Variants in IQCM observed in about 807,000 individuals in gnomAD.
The protein encoded by IQCM is IQ motif containing M.
IQCM carries 45 observed loss-of-function variants against 57.6 expected under a neutral mutation model. That is an observed-to-expected ratio of 0.78 (90% CI 0.62 to 1.00). IQCM has a LOEUF of 1.00. Among genes scored for constraint, IQCM ranks in the 50% least tolerant of loss-of-function variants. IQCM has a pLI of 0.00. For missense variants in IQCM, 468 were observed against 511.6 expected, an observed-to-expected ratio of 0.91 and a Z score of 0.82; for synonymous variants, 148 against 158.9, an observed-to-expected ratio of 0.93 and a Z score of 0.51.
At chr4:149,512,351 C>T (rs929314973) in intron 12 of IQCM, among the ~76,000 whole-genome samples, 2 of 152,062 alleles carry the variant, frequency 1.3e-5, no homozygotes, top group Non-Finnish European at 2.9e-5. Context: ...GACATGATAC[C>T]ATGCCACAAC....
rs1015667631 is a variant in IQCM, at chr4:149,362,464, T to C, written c.1391-10398A>G. On this transcript the variant is annotated intron_variant, in intron 13 of 13. Transcript: ENST00000636793. ...GTGGGAGGGACCCATGGGGAGGTAATTGAATCATAGGGGCCAGTCTTTCTT... is the reference window on the plus strand; with the variant it reads ...GTGGGAGGGACCCATGGGGAGGTAACTGAATCATAGGGGCCAGTCTTTCTT... Among the ~76,000 whole-genome samples the C allele has an allele frequency of 1.4e-4, 21 of 152,236 alleles. 1 individual carries two copies. The highest frequency in any genetic ancestry group is 4.8e-4 in the African/African-American group (20 of 41,566).
intron 7 of IQCM, among the ~76,000 whole-genome samples, chr4:149,632,221 T>C (rs1757328167): frequency 6.6e-6 from 1 of 152,242 alleles, no homozygotes; most frequent in African/African-American, 2.4e-5. Flanking sequence ...CTACAGGTTT[T>C]GTAAAGAAAC....
intron 12 of IQCM, among the ~76,000 whole-genome samples, chr4:149,453,012 T>A: frequency 6.8e-6 from 1 of 146,386 alleles, no homozygotes; most frequent in African/African-American, 2.5e-5. Context: ...AAAATAAAAG[T>A]AGAAATTTTT....
At chr4:149,628,220 A>T (rs774582325) in intron 7 of IQCM, among the ~76,000 whole-genome samples, 45 of 152,282 alleles carry the variant, frequency 3.0e-4, no homozygotes, top group Non-Finnish European at 1.0e-4. Flanking sequence ...TGCTAGACCC[A>T]GGGGAAAATT....
At chr4:149,404,855 T>C (rs1312421036) in intron 13 of IQCM, among the ~76,000 whole-genome samples, 1 of 152,042 alleles carries the variant, frequency 6.6e-6, no homozygotes, top group African/African-American at 2.4e-5. Context: ...AAGTGTCCTC[T>C]AGAGAAAGCA....
intron 13 of IQCM, among the ~76,000 whole-genome samples, chr4:149,354,092 C>T (rs994263712): frequency 2.0e-5 from 3 of 151,844 alleles, no homozygotes; most frequent in African/African-American, 2.4e-5. Flanking sequence ...TGGCCAGGCG[C>T]GGTGGCTCAC....
intron 8 of IQCM, among the ~76,000 whole-genome samples, chr4:149,606,367 G>A (rs376132718): frequency 6.6e-4 from 100 of 152,192 alleles, no homozygotes; most frequent in African/African-American, 2.0e-3. Context: ...TGAAACAGCC[G>A]CAGTGACCAC....
At chr4:149,471,275 G>A (rs1739507722) in intron 12 of IQCM, among the ~76,000 whole-genome samples, 1 of 152,114 alleles carries the variant, frequency 6.6e-6, no homozygotes, top group South Asian at 2.1e-4. Context: ...TATAAAAAAT[G>A]ATAAAGAGAT....
intron 12 of IQCM, among the ~76,000 whole-genome samples, chr4:149,539,378 G>A (rs1251983263): frequency 6.6e-6 from 1 of 152,224 alleles, no homozygotes; most frequent in South Asian, 2.1e-4. Flanking sequence ...TCGTTGTCTG[G>A]GGCTGGGGGT....
chr4:149,630,083 T>C (rs1757134265), intron 7 of IQCM, among the ~76,000 whole-genome samples: 1 of 152,228 alleles, frequency 6.6e-6, no homozygotes. Context: ...TGTGTCATAA[T>C]AGCTTTAGAA....
chr4:149,497,119 G>A (rs1472052419), intron 12 of IQCM, among the ~76,000 whole-genome samples: 4 of 152,120 alleles, frequency 2.6e-5, no homozygotes, highest in African/African-American at 9.7e-5. Flanking sequence ...GTATGGGGCA[G>A]GAGAGTCTAG....
intron 5 of IQCM, chr4:149,711,240 TAA>T (rs1764539671): frequency 6.6e-6 from 1 of 152,126 alleles, no homozygotes; most frequent in African/African-American, 2.4e-5. Context: ...GGAAAAAGAC[TAA>T]GAGTCACTTC....
intron 3 of IQCM, among the ~76,000 whole-genome samples, chr4:149,736,974 T>C (rs1766997829): frequency 6.6e-6 from 1 of 152,224 alleles, no homozygotes; most frequent in Non-Finnish European, 1.5e-5. Context: ...ACTGTGGTTA[T>C]ATGTGTACAA....
chr4:149,695,913 T>C (rs1476622841), intron 5 of IQCM, among the ~76,000 whole-genome samples: 3 of 152,256 alleles, frequency 2.0e-5, no homozygotes, highest in Non-Finnish European at 1.5e-5. Context: ...TGTTAATGGT[T>C]GTGAAGGTTT....
chr4:149,664,498 G>A (rs1760514054), intron 7 of IQCM, among the ~76,000 whole-genome samples: 1 of 152,118 alleles, frequency 6.6e-6, no homozygotes, highest in Admixed American at 6.6e-5. Flanking sequence ...TGGCTATGGT[G>A]CATTGGCTTT....
intron 5 of IQCM, among the ~76,000 whole-genome samples, chr4:149,724,321 C>G (rs1765703219): frequency 6.6e-6 from 1 of 151,996 alleles, no homozygotes; most frequent in South Asian, 2.1e-4. Context: ...AATCACAGCA[C>G]AAAGTCATTT....
intron 8 of IQCM, among the ~76,000 whole-genome samples, chr4:149,610,371 T>C (rs1755170564): frequency 1.3e-5 from 2 of 151,650 alleles, no homozygotes; most frequent in African/African-American, 4.8e-5. Context: ...AAATAAAAAA[T>C]AATCCTAAAA....
intron 8 of IQCM, among the ~76,000 whole-genome samples, chr4:149,609,730 A>G (rs1414192884): frequency 6.6e-6 from 1 of 151,880 alleles, no homozygotes; most frequent in East Asian, 1.9e-4. Flanking sequence ...TAGGGGGAAC[A>G]TACCTCAACA....
At chr4:149,604,317 C>T (rs976422129) in intron 8 of IQCM, among the ~76,000 whole-genome samples, 1 of 152,160 alleles carries the variant, frequency 6.6e-6, no homozygotes, top group Non-Finnish European at 1.5e-5. Flanking sequence ...ATCTACACAA[C>T]TAATATAAGC....
Sources: allele counts gnomAD v4.1 joint callset (sites outside exome capture counted in the v4.1 genomes callset), GRCh38; gene constraint gnomAD v4.1.1; transcripts MANE v1.5; gene names NCBI Gene and HGNC (gene_info 2026-07-23, HGNC 2026-07-21).